ARAP2: variants seen among roughly 807,000 people sequenced by gnomAD.
ARAP2 encodes arf-GAP with Rho-GAP domain, ANK repeat and PH domain-containing protein 2.
ARAP2 carries 148 observed loss-of-function variants against 194.5 expected under a neutral mutation model. The observed-to-expected ratio is 0.76, with a 90% confidence interval of 0.67 to 0.87. ARAP2 has a LOEUF of 0.87. ARAP2 is among the 40% of genes least tolerant of loss of function. The pLI, the probability that ARAP2 is intolerant of heterozygous loss-of-function variation, is 0.00. For missense variants in ARAP2, 2,128 were observed against 1,989.7 expected (o/e 1.07, Z -1.32); for synonymous variants, 695 against 683.5 (o/e 1.02, Z -0.26).
In ARAP2 at chr4:36,083,379, C is replaced by T; in HGVS notation, c.4497G>A (p.Lys1499=). The T allele has an allele frequency of 1.2e-6, 2 of 1,604,540 alleles. No individual in the cohort carries two copies. Among genetic ancestry groups the T allele is most frequent in the Non-Finnish European group, 1.7e-6 (2 of 1,175,710 alleles). The part of the protein sequence containing the change: ...KFYRGVKKKM[K]PPTSWGLTAY... ...CTTTCAAACTTTACCTTGTTGGAGG[C>T]TTCATTTTCTTTTTCACTCCACGAT... The change falls in exon 29 of 33, where the codon AAG becomes AAA. Residue 1499 remains lysine (K), a synonymous_variant. Coordinates refer to ENST00000303965, the MANE Select transcript of ARAP2 (RefSeq NM_015230.4).
Position 36,147,280 on chromosome 4 carries a change from G to A in ARAP2, c.3263+16C>T. 1 of 1,610,296 alleles carries A rather than the reference G, an allele frequency of 6.2e-7. No homozygotes were observed. Among genetic ancestry groups the A allele is most frequent in the Middle Eastern group, 1.7e-4 (1 of 6,040 alleles). On this transcript the variant is annotated intron_variant, in intron 19 of 32. Transcript: ENST00000303965. ...GAGTTGTTGAGATAAGGAATAAAAA[G>A]CAAAAAGGCACTTACCTCCCTTTTT...
chr4:36,141,316 T>A (rs1728258640), intron 19 of ARAP2, among the ~76,000 whole-genome samples: 1 of 151,584 alleles, frequency 6.6e-6, no homozygotes, highest in Non-Finnish European at 1.5e-5. Context: ...TCAAATAGCA[T>A]GCCAGAAACC....
intron 6 of ARAP2, among the ~76,000 whole-genome samples, chr4:36,017,707 G>A (rs1716124992): frequency 1.3e-5 from 2 of 151,856 alleles, no homozygotes; most frequent in Non-Finnish European, 2.9e-5. Context: ...AGAGAAGGAA[G>A]AATGTAGCAA....
At chr4:36,153,275 G>A (rs1462655078) in intron 15 of ARAP2, among the ~76,000 whole-genome samples, 1 of 152,120 alleles carries the variant, frequency 6.6e-6, no homozygotes, top group Non-Finnish European at 1.5e-5. Context: ...ACAGGAAATC[G>A]TGACATTCCC....
chr4:36,218,258 G>A (rs1279589464), intron 2 of ARAP2, among the ~76,000 whole-genome samples: 1 of 152,070 alleles, frequency 6.6e-6, no homozygotes, highest in East Asian at 1.9e-4. Flanking sequence ...GTAAGTAAGA[G>A]CTAAATGATG....
chr4:36,178,227 T>G (rs1738425410), intron 8 of ARAP2, among the ~76,000 whole-genome samples: 1 of 152,188 alleles, frequency 6.6e-6, no homozygotes, highest in African/African-American at 2.4e-5. Context: ...TGGCTTTACC[T>G]GAGAGTTTAT....
chr4:36,149,790 A>T (rs1245973310), intron 16 of ARAP2, among the ~76,000 whole-genome samples: 1 of 152,216 alleles, frequency 6.6e-6, no homozygotes, highest in Non-Finnish European at 1.5e-5. Flanking sequence ...AAATCAAATC[A>T]GATTTACTAT....
At chr4:36,038,552 T>A (rs1322217737) in intron 5 of ARAP2, among the ~76,000 whole-genome samples, 1 of 152,234 alleles carries the variant, frequency 6.6e-6, no homozygotes, top group African/African-American at 2.4e-5. Flanking sequence ...TTTTACTGTC[T>A]CTACAGAGTT....
At chr4:36,240,527 G>A (rs899125332) in intron 1 of ARAP2, among the ~76,000 whole-genome samples, 1 of 152,154 alleles carries the variant, frequency 6.6e-6, no homozygotes, top group Non-Finnish European at 1.5e-5. Flanking sequence ...TGTGGCCTTG[G>A]GAGAATTCCT....
chr4:36,145,068 A>T (rs1461882015), intron 19 of ARAP2, among the ~76,000 whole-genome samples: 2 of 151,956 alleles, frequency 1.3e-5, no homozygotes, highest in Non-Finnish European at 2.9e-5. Context: ...AGCAAATTAC[A>T]AGAAGCCAAG....
rs1380826251 is a variant in ARAP2 at position 36,066,804 on chromosome 4, A to C, written c.*1103T>G. On this transcript the variant is annotated 3_prime_UTR_variant, in exon 33 of 33. Transcript: ENST00000303965. ...ACACCTTTACTTAAAAAAAGAAAAAAAAACCTAGATTAAATGTGACCAGGT... is the reference window on the plus strand; with the variant it reads ...ACACCTTTACTTAAAAAAAGAAAAACAAACCTAGATTAAATGTGACCAGGT... 1 of 152,148 alleles carries C rather than the reference A, an allele frequency of 6.6e-6. No individual in the cohort carries two copies. Among genetic ancestry groups the C allele is most frequent in the Non-Finnish European group, 1.5e-5 (1 of 68,024 alleles). 9.4% of individuals were successfully genotyped at this position (152,148 alleles called of 1,614,324 possible). A position where few individuals can be genotyped will look rare whatever the true frequency, so the allele number is the denominator to read the frequency against.
chr4:36,176,996 T>C (rs1313388902), intron 9 of ARAP2, among the ~76,000 whole-genome samples: 1 of 151,938 alleles, frequency 6.6e-6, no homozygotes, highest in African/African-American at 2.4e-5. Context: ...TTACTAAGCA[T>C]CTAATATATT....
intron 15 of ARAP2, among the ~76,000 whole-genome samples, chr4:36,156,490 AAAGG>A (rs1560550443): frequency 3.4e-5 from 4 of 116,596 alleles, no homozygotes; most frequent in Non-Finnish European, 5.2e-5. Flanking sequence ...AAAGAAAGAA[AAAGG>A]AAGGAAGGAA....
chr4:36,017,959 T>C lies in ARAP2; in HGVS notation n.750+1185A>G, dbSNP rs1277875865. Among the ~76,000 whole-genome samples, 3 of 152,302 alleles carry C rather than the reference T, an allele frequency of 2.0e-5. No individual in the cohort carries two copies. The East Asian group carries it at 5.8e-4, about 29-fold the overall frequency. Reference sequence around the variant, plus strand: ...AAAAATCATGTATGATTATTTGAATTCTTCTATTATAGTATCTATGATAAA... The same window carrying C: ...AAAAATCATGTATGATTATTTGAATCCTTCTATTATAGTATCTATGATAAA... On this transcript the variant is annotated intron_variant and non_coding_transcript_variant, in intron 6 of 12. Transcript: ENST00000503225.
At chr4:36,137,766 T>C (rs984635354) in intron 19 of ARAP2, among the ~76,000 whole-genome samples, 2 of 151,784 alleles carry the variant, frequency 1.3e-5, no homozygotes, top group Non-Finnish European at 2.9e-5. Context: ...AGCTTTCCTT[T>C]ACCTGAGGAA....
intron 8 of ARAP2, among the ~76,000 whole-genome samples, chr4:36,014,269 GAAA>G (rs1715197970): frequency 7.2e-6 from 1 of 138,100 alleles, no homozygotes; most frequent in Admixed American, 7.5e-5. Flanking sequence ...AAGAAAGAAA[GAAA>G]GAAAGAAAGA....
At chr4:36,071,926 C>T (rs1224364531) in intron 32 of ARAP2, among the ~76,000 whole-genome samples, 1 of 151,748 alleles carries the variant, frequency 6.6e-6, no homozygotes, top group Non-Finnish European at 1.5e-5. Context: ...GTTCAATTCC[C>T]ACCTATGAGT....
chr4:36,111,749 A>G (rs892417322), intron 26 of ARAP2, among the ~76,000 whole-genome samples: 4 of 151,938 alleles, frequency 2.6e-5, no homozygotes, highest in Non-Finnish European at 5.9e-5. Context: ...TTTCAAAACA[A>G]TGTTTCTTGG....
At chr4:36,089,024 CAG>C (rs1332569823) in intron 28 of ARAP2, among the ~76,000 whole-genome samples, 3 of 152,064 alleles carry the variant, frequency 2.0e-5, no homozygotes, top group African/African-American at 7.2e-5. Context: ...ACTTGAATCT[CAG>C]AGAGTTGTTG....
Sources: allele counts gnomAD v4.1 joint callset (sites outside exome capture counted in the v4.1 genomes callset), GRCh38; gene constraint gnomAD v4.1.1; transcripts MANE v1.5; gene names NCBI Gene and HGNC (gene_info 2026-07-23, HGNC 2026-07-21).